USP33: variants seen among roughly 807,000 people sequenced by gnomAD.
USP33 encodes ubiquitin specific peptidase 33.
In USP33, 46 loss-of-function variants were observed where a neutral mutation model predicts 124.2. That is an observed-to-expected ratio of 0.37 (90% CI 0.29 to 0.47). The LOEUF (loss-of-function observed/expected upper bound fraction) is 0.47. Among genes scored for constraint, USP33 ranks in the 20% least tolerant of loss-of-function variants. The probability of loss-of-function intolerance (pLI) is 0.99; values close to 1 mark genes in which losing one functional copy is unlikely to be tolerated. For synonymous variants in USP33, 350 were observed against 352.3 expected (o/e 0.99, Z 0.07); for missense variants, 851 against 1,070.6 (o/e 0.79, Z 2.86).
In USP33 at chr1:77,739,313, T is replaced by C. The variant is rs61750805; in HGVS notation, c.303A>G (p.Ser101=). 7.0e-4 allele frequency: 1,131 copies of C among 1,613,844 alleles called. 1 individual carries two copies. Among genetic ancestry groups the C allele is most frequent in the Non-Finnish European group, 9.1e-4 (1,077 of 1,179,944 alleles). The change falls in exon 5 of 24, where the codon TCA becomes TCG. Residue 101 remains serine (S), a synonymous_variant. Coordinates refer to ENST00000370794, the MANE Select transcript of USP33 (RefSeq NM_201624.3). ...GGTGAGGTTGTCTTACATGAGGCAATGAAGGCTGAGTTCCTAATTTCCTAT... is the reference window on the plus strand; with the variant it reads ...GGTGAGGTTGTCTTACATGAGGCAACGAAGGCTGAGTTCCTAATTTCCTAT... ...FLDRKLGTQP[S]LPHVRQPHQI... is the part of the protein sequence containing the mutation.
chr1:77,729,426 T>C (rs1176278844), intron 9 of USP33, among the ~76,000 whole-genome samples: 2 of 148,824 alleles, frequency 1.3e-5, no homozygotes, highest in East Asian at 2.0e-4. Context: ...AATCCAACAC[T>C]GTGGGAGGCC....
chr1:77,706,602 A>G (rs1674658158), intron 21 of USP33, among the ~76,000 whole-genome samples: 1 of 152,196 alleles, frequency 6.6e-6, no homozygotes, highest in Non-Finnish European at 1.5e-5. Context: ...GTCATTTTAC[A>G]CAAAAGAAAT....
rs114025509 is a variant in USP33, at chr1:77,704,309, T to C, written c.2407-2838A>G. Among the ~76,000 whole-genome samples, 1,070 of 152,272 alleles carry C rather than the reference T, an allele frequency of 7.0e-3. 14 individuals are homozygous for C. The highest frequency in any genetic ancestry group is 0.024 in the African/African-American group (997 of 41,538). The stretch of plus-strand genomic sequence containing the variant: ...ATGGAATTAAAGTTCGGGCTTTCTG[T>C]GATGTGCAACTTATCCCTAGAGAAC... On this transcript the variant is annotated intron_variant, in intron 21 of 23. Coordinates refer to ENST00000370794, the MANE Select transcript of USP33 (RefSeq NM_201624.3).
chr1:77,727,561 A>C (rs1677310073), intron 10 of USP33, among the ~76,000 whole-genome samples: 1 of 152,248 alleles, frequency 6.6e-6, no homozygotes, highest in South Asian at 2.1e-4. Flanking sequence ...TAATATTTTC[A>C]AGAAGAAATT....
chr1:77,745,783 T>TG (rs1201797945), intron 1 of USP33: 2 of 152,164 alleles, frequency 1.3e-5, no homozygotes, highest in African/African-American at 4.8e-5. Flanking sequence ...GAATGACTAC[T>TG]GGGTAAATAA....
At chr1:77,706,990 T>G (rs1226007091) in intron 21 of USP33, among the ~76,000 whole-genome samples, 2 of 152,178 alleles carry the variant, frequency 1.3e-5, no homozygotes, top group African/African-American at 2.4e-5. Flanking sequence ...CCTGGCCATT[T>G]TGAGTTTCTC....
chr1:77,728,967 A>G (rs1677476482), intron 9 of USP33, among the ~76,000 whole-genome samples: 1 of 152,108 alleles, frequency 6.6e-6, no homozygotes, highest in Admixed American at 6.6e-5. Context: ...TGGCATGACC[A>G]CAGCTCACTG....
chr1:77,721,617 T>G (rs773000910), intron 14 of USP33: 1 of 534,696 alleles, frequency 1.9e-6, no homozygotes. Context: ...TTATCATTTG[T>G]CTTATACTAC....
At chr1:77,735,439 G>A (rs975568168) in intron 6 of USP33, among the ~76,000 whole-genome samples, 4 of 152,120 alleles carry the variant, frequency 2.6e-5, no homozygotes, top group Non-Finnish European at 4.4e-5. Context: ...AATTAATAGT[G>A]TGAGCTAAAT....
chr1:77,744,078 C>T (rs989458355), intron 1 of USP33, among the ~76,000 whole-genome samples: 2 of 150,170 alleles, frequency 1.3e-5, no homozygotes, highest in African/African-American at 2.5e-5. Context: ...GAGCTGAGAT[C>T]GCGCCACTGC....
At position 77,697,874 on chromosome 1, in the gene USP33, A is replaced by G. The variant is rs769433835; in HGVS notation, c.2567T>C (p.Met856Thr). The change falls in exon 23 of 24, where the codon ATG becomes ACG. Residue 856 changes from methionine (M) to threonine (T), a missense_variant. Physicochemically the swap from Met to Thr is moderately conservative, Grantham distance 81. Around this residue, in one of 4 missense-constraint regions of USP33, gnomAD observed 142 missense variants for 141.8 expected, o/e 1.00. Coordinates refer to ENST00000370794, the MANE Select transcript of USP33 (RefSeq NM_201624.3). Reference sequence around the variant, plus strand: ...CGAGTCAAACTTACCTTGCCTAAGCATCACATTACCACATTTAGTGACTGC... The same window carrying G: ...CGAGTCAAACTTACCTTGCCTAAGCGTCACATTACCACATTTAGTGACTGC... Reference protein sequence around the residue: ...KIAVTKCGNVMLRQGADSGQI... With the variant: ...KIAVTKCGNVTLRQGADSGQI... 4 of 1,610,194 alleles carry G rather than the reference A, an allele frequency of 2.5e-6. No homozygotes were observed. The highest frequency in any genetic ancestry group is 2.5e-6 in the Non-Finnish European group (3 of 1,178,954).
chr1:77,741,055 G>T, intron 3 of USP33, 116 bp from the exon 4 acceptor site: 1 of 717,698 alleles, frequency 1.4e-6, no homozygotes, highest in Non-Finnish European at 2.2e-6. Context: ...TACATTCAAT[G>T]AGTAAATGAC....
rs1159806843 is a variant in USP33, at chr1:77,729,851, T to A, written c.717+9A>T. 1 of 1,609,602 alleles carries A rather than the reference T, an allele frequency of 6.2e-7. No homozygotes were observed. Among genetic ancestry groups the A allele is most frequent in the Non-Finnish European group, 8.5e-7 (1 of 1,178,534 alleles). On this transcript the variant is annotated intron_variant, in intron 9 of 23. Transcript: ENST00000370794. The stretch of plus-strand genomic sequence containing the variant: ...GATTAAAATTACAAATGAAAAGCAA[T>A]AAACTAACCTGCTGAGAATACCCCC...
chr1:77,753,187 GAC>G (rs1278334604), intron 1 of USP33, among the ~76,000 whole-genome samples: 2 of 152,042 alleles, frequency 1.3e-5, no homozygotes, highest in East Asian at 3.8e-4. Context: ...TATAAACTGA[GAC>G]CAAAAAAGGG....
intron 11 of USP33, among the ~76,000 whole-genome samples, chr1:77,725,355 T>C (rs1314914659): frequency 1.3e-5 from 2 of 152,234 alleles, no homozygotes; most frequent in South Asian, 2.1e-4. Flanking sequence ...TGTATTCTGT[T>C]TGTGGTGGTG....
chr1:77,720,068 G>A (rs1426121354), intron 15 of USP33, among the ~76,000 whole-genome samples: 1 of 145,618 alleles, frequency 6.9e-6, no homozygotes, highest in African/African-American at 2.5e-5. Context: ...GCTGAGGCAG[G>A]AGGATCGCTT....
chr1:77,709,837 T>C (rs1298322416), intron 21 of USP33, among the ~76,000 whole-genome samples: 2 of 151,236 alleles, frequency 1.3e-5, no homozygotes, highest in Non-Finnish European at 2.9e-5. Flanking sequence ...CAAGGCACTT[T>C]CAGTGAGAGT....
At chr1:77,727,342 T>G (rs1377905701) in intron 10 of USP33, among the ~76,000 whole-genome samples, 1 of 152,166 alleles carries the variant, frequency 6.6e-6, no homozygotes, top group Non-Finnish European at 1.5e-5. Flanking sequence ...GATGAGTATG[T>G]CCCTAATCAG....
chr1:77,719,904 G>C (rs1676365689), intron 15 of USP33, among the ~76,000 whole-genome samples: 2 of 148,512 alleles, frequency 1.3e-5, no homozygotes, highest in Non-Finnish European at 3.0e-5. Flanking sequence ...GCTCACGCTT[G>C]TAATCTCAGC....
Sources: allele counts gnomAD v4.1 joint callset (sites outside exome capture counted in the v4.1 genomes callset), GRCh38; gene constraint gnomAD v4.1.1; regional missense constraint gnomAD v4.1.1; transcripts MANE v1.5; gene names NCBI Gene and HGNC (gene_info 2026-07-23, HGNC 2026-07-21).